Variants in PRDM16 observed in about 807,000 individuals in gnomAD.
The protein encoded by PRDM16 is PR/SET domain 16.
A neutral mutation model predicts 110.6 loss-of-function variants in PRDM16; 23 were observed. The ratio of observed to expected loss-of-function variants is 0.21; its 90% CI spans 0.15 to 0.29. The LOEUF (loss-of-function observed/expected upper bound fraction) is 0.29. Ranked by LOEUF, PRDM16 falls within the 10% of genes least tolerant of loss-of-function variation. The pLI, the probability that PRDM16 is intolerant of heterozygous loss-of-function variation, is 1.00. For synonymous variants in PRDM16, 799 were observed against 781.8 expected (o/e 1.02, Z -0.37); for missense variants, 1,615 against 1,794.3 (o/e 0.90, Z 1.81).
intron 3 of PRDM16, among the ~76,000 whole-genome samples, chr1:3,338,636 C>T (rs911848757): frequency 1.3e-5 from 2 of 152,144 alleles, no homozygotes; most frequent in Admixed American, 1.3e-4. Flanking sequence ...CCTGATAACC[C>T]GGGCTCCACC....
intron 3 of PRDM16, among the ~76,000 whole-genome samples, chr1:3,361,184 C>T (rs1000503722): frequency 1.3e-5 from 2 of 152,192 alleles, no homozygotes; most frequent in African/African-American, 4.8e-5. Flanking sequence ...GGGAGGCCCC[C>T]GTCCCCCTTT....
chr1:3,091,087 C>T (rs1228659965), intron 1 of PRDM16, among the ~76,000 whole-genome samples: 1 of 152,258 alleles, frequency 6.6e-6, no homozygotes, highest in Non-Finnish European at 1.5e-5. Flanking sequence ...GGCTTCTTCT[C>T]TAAATGCCAA....
At chr1:3,242,703 G>A (rs995958051) in intron 2 of PRDM16, among the ~76,000 whole-genome samples, 4 of 152,258 alleles carry the variant, frequency 2.6e-5, no homozygotes, top group African/African-American at 9.6e-5. Flanking sequence ...ACGCCAGCTC[G>A]TCAATTGCAC....
chr1:3,302,388 CA>C (rs1252577295), intron 3 of PRDM16, among the ~76,000 whole-genome samples: 1 of 151,426 alleles, frequency 6.6e-6, no homozygotes, highest in South Asian at 2.1e-4. Flanking sequence ...ACTTTGTTGC[CA>C]AAAAAAAGGT....
chr1:3,422,940 G>T (rs1638479706), intron 12 of PRDM16, among the ~76,000 whole-genome samples: 1 of 152,226 alleles, frequency 6.6e-6, no homozygotes, highest in South Asian at 2.1e-4. Flanking sequence ...AAGCCCACAG[G>T]CCAGGCCCCT....
intron 1 of PRDM16, among the ~76,000 whole-genome samples, chr1:3,091,794 A>G (rs2100598999): frequency 6.6e-6 from 1 of 152,294 alleles, no homozygotes; most frequent in South Asian, 2.1e-4. Flanking sequence ...AAGTGTACTC[A>G]GGCTGATGGA....
chr1:3,324,968 C>T (rs542198860), intron 3 of PRDM16, among the ~76,000 whole-genome samples: 4 of 152,234 alleles, frequency 2.6e-5, no homozygotes, highest in South Asian at 4.1e-4. Flanking sequence ...GGAGGATGCA[C>T]GCGAGGGGCT....
chr1:3,128,428 G>A (rs947024426), intron 1 of PRDM16, among the ~76,000 whole-genome samples: 5 of 152,162 alleles, frequency 3.3e-5, no homozygotes, highest in African/African-American at 4.8e-5. Context: ...TCCCATGCAC[G>A]GCTTTGGGAA....
chr1:3,100,523 A>G (rs1642506328), intron 1 of PRDM16, among the ~76,000 whole-genome samples: 1 of 152,030 alleles, frequency 6.6e-6, no homozygotes, highest in African/African-American at 2.4e-5. Flanking sequence ...CCCTCAGTGG[A>G]CGGGGCCTCT....
At chr1:3,402,732 T>C in intron 5 of PRDM16, 59 bp from the exon 6 acceptor site, 4 of 1,501,100 alleles carry the variant, frequency 2.7e-6, no homozygotes, top group Non-Finnish European at 3.7e-6. Context: ...CAGAGTCCCC[T>C]GATAGCCCTG....
chr1:3,393,966 G>T (rs531408189), intron 4 of PRDM16, among the ~76,000 whole-genome samples: 2 of 152,264 alleles, frequency 1.3e-5, no homozygotes, highest in South Asian at 4.1e-4. Context: ...GGGCCAGGGA[G>T]GGGGAGCCCG....
At chr1:3,073,227 G>A (rs927004335) in intron 1 of PRDM16, among the ~76,000 whole-genome samples, 9 of 152,220 alleles carry the variant, frequency 5.9e-5, no homozygotes, top group African/African-American at 1.9e-4. Context: ...TCCCCCCACC[G>A]GGCCCCTCAG....
chr1:3,380,146 G>A (rs1268265497), intron 3 of PRDM16, among the ~76,000 whole-genome samples: 1 of 150,232 alleles, frequency 6.7e-6, no homozygotes, highest in Admixed American at 6.6e-5. Context: ...CCCTCCCGGT[G>A]CATGCCCTTC....
chr1:3,282,713 C>T (rs929725414), intron 3 of PRDM16, among the ~76,000 whole-genome samples: 19 of 152,180 alleles, frequency 1.2e-4, no homozygotes, highest in African/African-American at 4.6e-4. Flanking sequence ...GAGCTGGTCA[C>T]TGCCACTCCG....
At chr1:3,345,694 C>T (rs7544315) in intron 3 of PRDM16, among the ~76,000 whole-genome samples, 10,478 of 151,780 alleles carry the variant, frequency 0.069, 481 homozygotes, top group East Asian at 0.11. Flanking sequence ...GGCCACCCCT[C>T]GGGTCCTCCC....
At chr1:3,379,046 C>T (rs1447364944) in intron 3 of PRDM16, among the ~76,000 whole-genome samples, 1 of 151,308 alleles carries the variant, frequency 6.6e-6, no homozygotes, top group Non-Finnish European at 1.5e-5. Context: ...TGGCCCCTCC[C>T]AGCGCGCCCT....
chr1:3,346,188 A>G (rs752193398), intron 3 of PRDM16, among the ~76,000 whole-genome samples: 2 of 152,236 alleles, frequency 1.3e-5, no homozygotes, highest in South Asian at 2.1e-4. Context: ...AATGTTGGAT[A>G]TGGAAACTGT....
At chr1:3,146,077 AAAAC>A (rs1643645627) in intron 1 of PRDM16, among the ~76,000 whole-genome samples, 1 of 152,176 alleles carries the variant, frequency 6.6e-6, no homozygotes, top group Non-Finnish European at 1.5e-5. Flanking sequence ...GCCGAGCAGG[AAAAC>A]ATTTAGACAC....
chr1:3,437,685 C>T lies in PRDM16; in HGVS notation c.*3874C>T, dbSNP rs769870405. 46 of 226,026 alleles carry T rather than the reference C, an allele frequency of 2.0e-4. No individual in the cohort carries two copies. Among genetic ancestry groups the T allele is most frequent in the Non-Finnish European group, 3.5e-4 (40 of 113,656 alleles). 14.0% of individuals were successfully genotyped at this position (226,026 alleles called of 1,614,324 possible). A position where few individuals can be genotyped will look rare whatever the true frequency, so the allele number is the denominator to read the frequency against. On this transcript the variant is annotated 3_prime_UTR_variant, in exon 17 of 17. Coordinates refer to ENST00000270722, the MANE Select transcript of PRDM16 (RefSeq NM_022114.4). ...TCTTCCTAGAAGAGTTCCTCTGCTCCTTCCATTCCATTTTTGTGTTTGTTT... is the reference window on the plus strand; with the variant it reads ...TCTTCCTAGAAGAGTTCCTCTGCTCTTTCCATTCCATTTTTGTGTTTGTTT...
Sources: gnomAD v4.1 joint callset for allele counts (sites outside exome capture counted in the v4.1 genomes callset) on GRCh38, gnomAD v4.1.1 for gene constraint, MANE v1.5 for transcripts, NCBI Gene and HGNC (gene_info 2026-07-23, HGNC 2026-07-21) for gene names.